Variants in LRRC3C observed in about 807,000 individuals in gnomAD.
LRRC3C encodes the protein leucine-rich repeat-containing protein 3C.
LRRC3C carries 11 observed loss-of-function variants against 14.8 expected under a neutral mutation model. The ratio of observed to expected loss-of-function variants is 0.74; its 90% CI spans 0.47 to 1.23. The LOEUF (loss-of-function observed/expected upper bound fraction) is 1.23, where lower values mean the gene tolerates loss of function less well. Ranked by LOEUF, LRRC3C falls within the 50% of genes most tolerant of loss-of-function variation. LRRC3C has a pLI of 0.00. For missense variants in LRRC3C, 354 were observed against 361.8 expected, an observed-to-expected ratio of 0.98 and a Z score of 0.18; for synonymous variants, 149 against 161.5, an observed-to-expected ratio of 0.92 and a Z score of 0.59.
chr17:39,938,571 CAT>C (rs1978860387), intron 2 of LRRC3C, among the ~76,000 whole-genome samples: 1 of 150,884 alleles, frequency 6.6e-6, no homozygotes. Flanking sequence ...TGTGGTGGCA[CAT>C]GTCTGTGGTC....
Position 39,935,821 on chromosome 17 carries a change from C to G in LRRC3C, c.-155C>G, listed in dbSNP as rs1434179100. On this transcript the variant is annotated 5_prime_UTR_variant, in exon 2 of 4. Coordinates refer to ENST00000377924, the MANE Select transcript of LRRC3C (RefSeq NM_001195545.2). ...CTACAGGGAACAACAATAGCAGAGGCCTTTGTTGCCCTCTCCGCGAAACTG... is the reference window on the plus strand; with the variant it reads ...CTACAGGGAACAACAATAGCAGAGGGCTTTGTTGCCCTCTCCGCGAAACTG... The G allele has an allele frequency of 2.0e-5, 20 of 985,298 alleles. No homozygotes were observed. The highest frequency in any genetic ancestry group is 2.3e-5 in the Non-Finnish European group (19 of 829,940). The allele number at this position is 985,298 out of a possible 1,614,324, so 61.0% of individuals were successfully genotyped here.
intron 2 of LRRC3C, among the ~76,000 whole-genome samples, chr17:39,936,988 T>A (rs993796260): frequency 1.3e-5 from 2 of 150,828 alleles, no homozygotes; most frequent in South Asian, 4.2e-4. Flanking sequence ...ATAAAAAAAA[T>A]TGGCTGGGCA....
chr17:39,938,042 G>A (rs1720881338), intron 2 of LRRC3C, among the ~76,000 whole-genome samples: 2 of 152,260 alleles, frequency 1.3e-5, no homozygotes, highest in South Asian at 4.1e-4. Context: ...TGAGGCAGGA[G>A]AATCTCTTGA....
intron 2 of LRRC3C, among the ~76,000 whole-genome samples, chr17:39,940,186 C>T (rs1373364162): frequency 6.6e-6 from 1 of 152,210 alleles, no homozygotes; most frequent in Non-Finnish European, 1.5e-5. Flanking sequence ...GTTGACATCA[C>T]AGGAATAAGT....
At chr17:39,928,500 C>T (rs768176324) in intron 1 of LRRC3C, among the ~76,000 whole-genome samples, 4 of 152,234 alleles carry the variant, frequency 2.6e-5, no homozygotes, top group Non-Finnish European at 5.9e-5. Context: ...GCACCTGTTG[C>T]ATTGTAGGAA....
chr17:39,936,943 A>G (rs1396388869), intron 2 of LRRC3C, among the ~76,000 whole-genome samples: 1 of 151,188 alleles, frequency 6.6e-6, no homozygotes, highest in African/African-American at 2.4e-5. Flanking sequence ...ACAACATGGT[A>G]AAACCCCGTC....
chr17:39,935,004 A>G (rs1489352097), intron 1 of LRRC3C, among the ~76,000 whole-genome samples: 4 of 152,014 alleles, frequency 2.6e-5, no homozygotes, highest in African/African-American at 9.7e-5. Context: ...TTTGGTTTTG[A>G]TGGGTTTTGG....
In LRRC3C at chr17:39,928,281, T is replaced by A. The variant is rs1046277428; in HGVS notation, c.-175+467T>A. Among the ~76,000 whole-genome samples, 4 of 152,252 alleles carry A rather than the reference T, an allele frequency of 2.6e-5. No individual in the cohort carries two copies. The South Asian group carries it at 6.2e-4, about 24-fold the overall frequency. On this transcript the variant is annotated intron_variant, in intron 1 of 3. Coordinates refer to ENST00000377924, the MANE Select transcript of LRRC3C (RefSeq NM_001195545.2). ...TGAGTTTCTGTCTCAGGTCAGCTTG[T>A]GTGGCTTTGAATGAGAGGCTCTGGT...
intron 2 of LRRC3C, chr17:39,939,699 A>G (rs1186744414): frequency 6.6e-6 from 1 of 152,242 alleles, no homozygotes; most frequent in Non-Finnish European, 1.5e-5. Flanking sequence ...GATGGCAGAG[A>G]ATTTCTGCTC....
intron 3 of LRRC3C, 111 bp from the exon 4 acceptor site, chr17:39,943,822 A>C: frequency 1.0e-6 from 1 of 979,536 alleles, no homozygotes. Context: ...CCCAGAGAAG[A>C]GGCCCCAGCC....
At chr17:39,938,889 G>A (rs1259789076) in intron 2 of LRRC3C, among the ~76,000 whole-genome samples, 3 of 152,082 alleles carry the variant, frequency 2.0e-5, no homozygotes, top group Non-Finnish European at 4.4e-5. Context: ...AGGAGGCTGA[G>A]GCAGGAGAAT....
At chr17:39,938,806 C>T (rs568171593) in intron 2 of LRRC3C, among the ~76,000 whole-genome samples, 46 of 152,136 alleles carry the variant, frequency 3.0e-4, no homozygotes, top group South Asian at 1.5e-3. Context: ...GCCAACATGG[C>T]GAAACCTCAT....
chr17:39,936,360 C>T (rs1978795152), intron 2 of LRRC3C, among the ~76,000 whole-genome samples: 1 of 152,208 alleles, frequency 6.6e-6, no homozygotes. Flanking sequence ...CGTGAGACTC[C>T]CCGGTGATGG....
chr17:39,941,838 G>A (rs571363258), intron 3 of LRRC3C, among the ~76,000 whole-genome samples: 22 of 152,264 alleles, frequency 1.4e-4, no homozygotes, highest in Middle Eastern at 3.4e-3. Context: ...TCAGTTTACC[G>A]GTCTGCAAAC....
In LRRC3C at chr17:39,941,489, T is replaced by C; in HGVS notation, c.-35T>C. 3 of 1,530,810 alleles carry C rather than the reference T, an allele frequency of 2.0e-6. No individual in the cohort carries two copies. The highest frequency in any genetic ancestry group is 1.7e-6 in the Non-Finnish European group (2 of 1,143,210). 94.8% of individuals were successfully genotyped at this position (1,530,810 alleles called of 1,614,324 possible). ...CCTGGTCACCCATAGTCTTCCAAAA[T>C]CCAGCAAGAAAAATCCTTCTCAGAA... On this transcript the variant is annotated 5_prime_UTR_variant, in exon 3 of 4. Coordinates refer to ENST00000377924, the MANE Select transcript of LRRC3C (RefSeq NM_001195545.2).
intron 3 of LRRC3C, among the ~76,000 whole-genome samples, chr17:39,941,955 G>A (rs996711562): frequency 2.6e-5 from 4 of 152,146 alleles, no homozygotes; most frequent in Admixed American, 2.6e-4. Flanking sequence ...GGTGCCATAG[G>A]AGGCACCATG....
rs1978519684 is a variant in LRRC3C at position 39,927,742 on chromosome 17, C to CGAA, written c.-247_-246insGAA. 1 of 985,366 alleles carries CGAA rather than the reference C, an allele frequency of 1.0e-6. No homozygotes were observed. The highest frequency in any genetic ancestry group is 1.2e-6 in the Non-Finnish European group (1 of 829,988). 61.0% of individuals were successfully genotyped at this position (985,366 alleles called of 1,614,324 possible). A position where few individuals can be genotyped will look rare whatever the true frequency, so the allele number is the denominator to read the frequency against. ...GTTGTAGTTTTTCCTGGGCTCCGTT[C>CGAA]CCGGCCTCTTCGGGGACGCACGGTT... On this transcript the variant is annotated 5_prime_UTR_variant, in exon 1 of 4. Coordinates refer to ENST00000377924, the MANE Select transcript of LRRC3C (RefSeq NM_001195545.2).
chr17:39,935,077 C>A (rs764826370), intron 1 of LRRC3C, among the ~76,000 whole-genome samples: 1 of 152,146 alleles, frequency 6.6e-6, no homozygotes, highest in Non-Finnish European at 1.5e-5. Flanking sequence ...TTTATGCCGA[C>A]CTCCTATCTC....
intron 1 of LRRC3C, among the ~76,000 whole-genome samples, chr17:39,931,647 T>C (rs956751999): frequency 2.1e-4 from 4 of 18,686 alleles, no homozygotes; most frequent in Non-Finnish European, 3.4e-4. Context: ...TTTTCTATAC[T>C]TTTTTTTTTT....
Sources: gnomAD v4.1 joint callset for allele counts (sites outside exome capture counted in the v4.1 genomes callset) on GRCh38, gnomAD v4.1.1 for gene constraint, MANE v1.5 for transcripts, NCBI Gene and HGNC (gene_info 2026-07-23, HGNC 2026-07-21) for gene names.